Variants in ERCC3 observed in about 807,000 individuals in gnomAD.
ERCC3 encodes ERCC excision repair 3, TFIIH core complex helicase subunit.
Under a neutral mutation model 94.2 loss-of-function variants are expected in ERCC3, and 66 were observed. That is an observed-to-expected ratio of 0.70 (90% CI 0.57 to 0.86). The LOEUF (loss-of-function observed/expected upper bound fraction) is 0.86. Among genes scored for constraint, ERCC3 ranks in the 40% least tolerant of loss-of-function variants. The pLI, the probability that ERCC3 is intolerant of heterozygous loss-of-function variation, is 0.00. For synonymous variants in ERCC3, 349 were observed against 369.1 expected (o/e 0.95, Z 0.63); for missense variants, 829 against 987.1 (o/e 0.84, Z 2.15).
At chr2:127,272,225 A>G (rs1684580493) in intron 11 of ERCC3, among the ~76,000 whole-genome samples, 2 of 152,004 alleles carry the variant, frequency 1.3e-5, no homozygotes, top group African/African-American at 4.8e-5. Context: ...GGGTTTCTCC[A>G]TGTTGGCCAG....
intron 12 of ERCC3, among the ~76,000 whole-genome samples, chr2:127,268,905 C>T (rs1684463242): frequency 6.6e-6 from 1 of 152,200 alleles, no homozygotes. Flanking sequence ...AGCATCATTA[C>T]ACTTGTGCTT....
At chr2:127,275,900 C>T (rs1457310101) in intron 10 of ERCC3, among the ~76,000 whole-genome samples, 2 of 152,078 alleles carry the variant, frequency 1.3e-5, no homozygotes, top group East Asian at 3.9e-4. Context: ...CGATACAAAA[C>T]CCGCCGCCTC....
At position 127,259,415 on chromosome 2, in the gene ERCC3, C is replaced by A. The variant is rs780088602; in HGVS notation, c.2098G>T (p.Asp700Tyr). 1.9e-6 allele frequency: 3 copies of A among 1,612,462 alleles called. No individual in the cohort carries two copies. The Admixed American group carries it at 5.0e-5, about 27-fold the overall frequency. Residue 700 changes from aspartate to tyrosine, a missense_variant, in exon 14 of 15, where the codon GAC becomes TAC. By Grantham distance (160) the Asp-to-Tyr change is radical. Transcript: ENST00000285398. The surrounding 1 kb of genome is among the most constrained non-coding windows in gnomAD (Gnocchi z 4.9). ...TCTTCTTTTGTCGAAAACGCCAAGT[C>A]TTCCTCCTCCATGCCAGCGAGTTTC... ...ITKLAGMEEEDLAFSTKEEQQ... is the reference protein window; with the variant it reads ...ITKLAGMEEEYLAFSTKEEQQ...
chr2:127,263,570 G>C (rs1405297878), intron 12 of ERCC3, among the ~76,000 whole-genome samples: 1 of 152,138 alleles, frequency 6.6e-6, no homozygotes, highest in Non-Finnish European at 1.5e-5. Context: ...CATTAGGGAA[G>C]ACAGATAATT....
Position 127,289,684 on chromosome 2 carries a change from C to A in ERCC3, c.657+5G>T. ...CACCCAAGGGTGGCCCAGGAGTCCA[C>A]ATACGGCAGATTTGCTTGTGAAAGT... is the stretch of plus-strand genomic sequence containing the variant. On this transcript the variant is annotated splice_donor_5th_base_variant and intron_variant, in intron 5 of 14. Coordinates refer to ENST00000285398, the MANE Select transcript of ERCC3 (RefSeq NM_000122.2). 1.2e-6 allele frequency: 2 copies of A among 1,614,162 alleles called. No homozygotes were observed. Among genetic ancestry groups the A allele is most frequent in the Admixed American group, 1.7e-5 (1 of 60,032 alleles).
intron 2 of ERCC3, 64 bp from the exon 3 acceptor site, chr2:127,292,910 T>G: frequency 9.9e-7 from 1 of 1,007,444 alleles, no homozygotes; most frequent in South Asian, 1.3e-5. Context: ...ACTGGGCTCT[T>G]GCCCATATCA....
In ERCC3 at chr2:127,257,748, GC is replaced by G; in HGVS notation, c.2218-22del. Reference sequence around the variant, plus strand: ...GATGCCTGCCGGGAAGGGGGAACCAGCCCATGTTAGTCTCCAGAAGAAAAGA... The same window carrying G: ...GATGCCTGCCGGGAAGGGGGAACCAGCCATGTTAGTCTCCAGAAGAAAAGA... On this transcript the variant is annotated intron_variant, in intron 14 of 14. Transcript: ENST00000285398. This position sits in a 1 kb window ranked among gnomAD's most constrained non-coding sequence, Gnocchi z 5.4. 6.2e-7 allele frequency: 1 copy of G among 1,614,036 alleles called. No individual in the cohort carries two copies. The highest frequency in any genetic ancestry group is 1.1e-5 in the South Asian group (1 of 91,080).
At chr2:127,282,908 G>C (rs1684960298) in intron 8 of ERCC3, among the ~76,000 whole-genome samples, 1 of 152,052 alleles carries the variant, frequency 6.6e-6, no homozygotes, top group Non-Finnish European at 1.5e-5. Context: ...CCTGGGACCT[G>C]GGGCTTGGGT....
chr2:127,282,239 C>T (rs1424212028), intron 8 of ERCC3, among the ~76,000 whole-genome samples: 1 of 152,138 alleles, frequency 6.6e-6, no homozygotes, highest in Non-Finnish European at 1.5e-5. Flanking sequence ...AGGGGTCTGC[C>T]TCCTTTCTGA....
intron 10 of ERCC3, among the ~76,000 whole-genome samples, chr2:127,278,279 A>T (rs989817258): frequency 1.3e-5 from 2 of 152,012 alleles, no homozygotes; most frequent in African/African-American, 2.4e-5. Flanking sequence ...AAGAAATATG[A>T]AGGTAAACAA....
intron 6 of ERCC3, 87 bp downstream of exon 6, chr2:127,289,250 C>T: frequency 8.1e-7 from 1 of 1,227,088 alleles, no homozygotes; most frequent in Non-Finnish European, 1.2e-6. Flanking sequence ...TCCTTTCACA[C>T]AGACTACAGG....
chr2:127,289,423 T>A lies in ERCC3; in HGVS notation c.736A>T (p.Met246Leu). The change falls in exon 6 of 15, where the codon ATG becomes TTG. Residue 246 changes from methionine (M) to leucine (L), a missense_variant. Transcript: ENST00000285398. ...TDPQGKSDIP[M>L]DLFDFYEQMD... ...TGCTCATAGAAGTCAAACAGGTCCA[T>A]GGGGATGTCAGATTTACCCTGTGGA... 1 of 1,613,204 alleles carries A rather than the reference T, an allele frequency of 6.2e-7. No homozygotes were observed. Among genetic ancestry groups the A allele is most frequent in the Non-Finnish European group, 8.5e-7 (1 of 1,179,802 alleles).
Position 127,271,439 on chromosome 2 carries a change from C to CT in ERCC3, c.1841_1842insA (p.Phe615ValfsTer2). On this transcript the variant is annotated frameshift_variant, in exon 12 of 15. Coordinates refer to ENST00000285398, the MANE Select transcript of ERCC3 (RefSeq NM_000122.2). LOFTEE classifies it high-confidence loss of function. The surrounding 1 kb of genome is among the most constrained non-coding windows in gnomAD (Gnocchi z 5.0). ...GGACATTTGCTTCCGGCAGATCAAA[C>CT]GAAGTGTCACCTACCTACAGAAACA... is the stretch of plus-strand genomic sequence containing the variant. The CT allele has an allele frequency of 6.2e-7, 1 of 1,613,100 alleles. No individual in the cohort carries two copies. Among genetic ancestry groups the CT allele is most frequent in the Non-Finnish European group, 8.5e-7 (1 of 1,179,526 alleles).
chr2:127,275,288 C>G (rs926731224), intron 10 of ERCC3, among the ~76,000 whole-genome samples: 1 of 152,094 alleles, frequency 6.6e-6, no homozygotes, highest in Non-Finnish European at 1.5e-5. Context: ...CCTTGGCCCC[C>G]CAAAGTGCTG....
In ERCC3 at chr2:127,257,413, C is replaced by T. The variant is rs940516461; in HGVS notation, c.*183G>A. ...AAGTTTGAAAAAATATTGTCTCCTC[C>T]TCCTTTATAAAACCCTAGATGACCT... On this transcript the variant is annotated 3_prime_UTR_variant, in exon 15 of 15. Transcript: ENST00000285398. The surrounding 1 kb of genome is among the most constrained non-coding windows in gnomAD (Gnocchi z 5.4). 1.3e-6 allele frequency: 1 copy of T among 749,868 alleles called. No homozygotes were observed. The highest frequency in any genetic ancestry group is 2.4e-6 in the Non-Finnish European group (1 of 420,900). The allele number at this position is 749,868 out of a possible 1,614,324, so 46.5% of individuals were successfully genotyped here. A position where few individuals can be genotyped will look rare whatever the true frequency, so the allele number is the denominator to read the frequency against.
Position 127,257,499 on chromosome 2 carries a change from G to A in ERCC3, c.*97C>T, listed in dbSNP as rs2104725274. ...CAGCACAATTTGGCCAACGCTGGAGGGAAGGTCAAAGAGGTGGAAGGAAAA... is the reference window on the plus strand; with the variant it reads ...CAGCACAATTTGGCCAACGCTGGAGAGAAGGTCAAAGAGGTGGAAGGAAAA... On this transcript the variant is annotated 3_prime_UTR_variant, in exon 15 of 15. Coordinates refer to ENST00000285398, the MANE Select transcript of ERCC3 (RefSeq NM_000122.2). This position sits in a 1 kb window ranked among gnomAD's most constrained non-coding sequence, Gnocchi z 5.4. 1.3e-6 allele frequency: 2 copies of A among 1,511,474 alleles called. No individual in the cohort carries two copies. Among genetic ancestry groups the A allele is most frequent in the Admixed American group, 3.3e-5 (2 of 59,832 alleles). 93.6% of individuals were successfully genotyped at this position (1,511,474 alleles called of 1,614,324 possible). A position where few individuals can be genotyped will look rare whatever the true frequency, so the allele number is the denominator to read the frequency against.
intron 10 of ERCC3, among the ~76,000 whole-genome samples, chr2:127,273,749 CAAAAAAA>C (rs398039596): frequency 1.2e-4 from 5 of 40,118 alleles, no homozygotes; most frequent in South Asian, 1.3e-3. Context: ...AACTCTGTCT[CAAAAAAA>C]AAAAAAAAAA....
At chr2:127,265,115 G>A (rs1684315033) in intron 12 of ERCC3, among the ~76,000 whole-genome samples, 1 of 152,042 alleles carries the variant, frequency 6.6e-6, no homozygotes, top group African/African-American at 2.4e-5. Flanking sequence ...CCAAAGTGCT[G>A]GGATTAGAGG....
intron 8 of ERCC3, among the ~76,000 whole-genome samples, chr2:127,283,042 T>C (rs1209380405): frequency 1.3e-5 from 2 of 148,772 alleles, no homozygotes; most frequent in Admixed American, 6.9e-5. Flanking sequence ...TGATTCTCTG[T>C]ACCATCAATT....
Sources: gnomAD v4.1 joint callset for allele counts (sites outside exome capture counted in the v4.1 genomes callset) on GRCh38, gnomAD v4.1.1 for gene constraint, Gnocchi (gnomAD v3.1) non-coding constraint, MANE v1.5 for transcripts, NCBI Gene and HGNC (gene_info 2026-07-23, HGNC 2026-07-21) for gene names.